Variants in SLURP1 observed in about 807,000 individuals in gnomAD.
SLURP1 encodes secreted Ly-6/uPAR-related protein 1.
SLURP1 carries 2 observed loss-of-function variants against 7.9 expected under a neutral mutation model. The ratio of observed to expected loss-of-function variants is 0.25; its 90% CI spans 0.10 to 0.79. The LOEUF is 0.79. Among genes scored for constraint, SLURP1 ranks in the 30% least tolerant of loss-of-function variants. The pLI, the probability that SLURP1 is intolerant of heterozygous loss-of-function variation, is 0.69. For missense variants in SLURP1, 111 were observed against 139.8 expected, an observed-to-expected ratio of 0.79 and a Z score of 1.04; for synonymous variants, 59 against 54.9, an observed-to-expected ratio of 1.07 and a Z score of -0.33.
At position 142,741,288 on chromosome 8, in the gene SLURP1, GC is replaced by G; in HGVS notation, c.179-13del. 1.9e-6 allele frequency: 3 copies of G among 1,579,414 alleles called. No homozygotes were observed. Among genetic ancestry groups the G allele is most frequent in the Non-Finnish European group, 2.6e-6 (3 of 1,167,036 alleles). On this transcript the variant is annotated splice_polypyrimidine_tract_variant and intron_variant, in intron 2 of 2. Transcript: ENST00000246515. This position sits in a 1 kb window ranked among gnomAD's most constrained non-coding sequence, Gnocchi z 4.3. ...GTTGAAGGGGTACTCTGCAGGGTGG[GC>G]CAGTGTCAGAACCCTCACTCCCCTG...
In SLURP1 at chr8:142,741,491, G is replaced by A. The variant is rs1462249479; in HGVS notation, c.179-215C>T. On this transcript the variant is annotated intron_variant, in intron 2 of 2. Coordinates refer to ENST00000246515, the MANE Select transcript of SLURP1 (RefSeq NM_020427.3). This position sits in a 1 kb window ranked among gnomAD's most constrained non-coding sequence, Gnocchi z 4.3. The stretch of plus-strand genomic sequence containing the variant: ...CAGACCTCTGAAGTGCCTGCGCTGA[G>A]ATGGGAGCCCGAGCCCAGAGGCTGT... Among the ~76,000 whole-genome samples, 2 of 152,192 alleles carry A rather than the reference G, an allele frequency of 1.3e-5. No homozygotes were observed. The highest frequency in any genetic ancestry group is 4.8e-5 in the African/African-American group (2 of 41,440).
Position 142,741,753 on chromosome 8 carries a change from G to A in SLURP1, c.178+50C>T. On this transcript the variant is annotated intron_variant, in intron 2 of 2. Coordinates refer to ENST00000246515, the MANE Select transcript of SLURP1 (RefSeq NM_020427.3). This position sits in a 1 kb window ranked among gnomAD's most constrained non-coding sequence, Gnocchi z 4.3. ...GCAAAGGAGGGAGGCACTTGGGGGA[G>A]GTGGCCCTGACTCCAGTGCACCCAG... 2 of 1,602,802 alleles carry A rather than the reference G, an allele frequency of 1.2e-6. No individual in the cohort carries two copies. Among genetic ancestry groups the A allele is most frequent in the Non-Finnish European group, 8.5e-7 (1 of 1,179,692 alleles).
chr8:142,741,717 G>A lies in SLURP1; in HGVS notation c.178+86C>T. 1 of 1,592,458 alleles carries A rather than the reference G, an allele frequency of 6.3e-7. No individual in the cohort carries two copies. The highest frequency in any genetic ancestry group is 2.2e-5 in the East Asian group (1 of 44,756). ...TCCCACCTGCTGCCTTTTGGGCCGG[G>A]AGGAGCACCAGCAAAGGAGGGAGGC... On this transcript the variant is annotated intron_variant, in intron 2 of 2. Coordinates refer to ENST00000246515, the MANE Select transcript of SLURP1 (RefSeq NM_020427.3). This position sits in a 1 kb window ranked among gnomAD's most constrained non-coding sequence, Gnocchi z 4.3.
Position 142,741,348 on chromosome 8 carries a change from G to GCCGTCGCCTGACCTCACCCT in SLURP1, c.179-92_179-73dup. 1 of 1,509,348 alleles carries GCCGTCGCCTGACCTCACCCT rather than the reference G, an allele frequency of 6.6e-7. No individual in the cohort carries two copies. The highest frequency in any genetic ancestry group is 8.8e-7 in the Non-Finnish European group (1 of 1,130,524). 93.5% of individuals were successfully genotyped at this position (1,509,348 alleles called of 1,614,324 possible). On this transcript the variant is annotated intron_variant, in intron 2 of 2. Transcript: ENST00000246515. The surrounding 1 kb of genome is among the most constrained non-coding windows in gnomAD (Gnocchi z 4.3). ...GCCTGCTGCTGCACTGCTCCCAGCC[G>GCCGTCGCCTGACCTCACCCT]CCGTCGCCTGACCTCACCCTCCCTG...
chr8:142,742,153 C>A (rs775903663), intron 1 of SLURP1, among the ~76,000 whole-genome samples, 175 bp downstream of exon 1: 2 of 152,184 alleles, frequency 1.3e-5, no homozygotes, highest in African/African-American at 4.8e-5. Context: ...TGACCCCTGT[C>A]CCAGGGTGAA....
At position 142,741,029 on chromosome 8, in the gene SLURP1, C is replaced by A; in HGVS notation, c.*114G>T. On this transcript the variant is annotated 3_prime_UTR_variant, in exon 3 of 3. Coordinates refer to ENST00000246515, the MANE Select transcript of SLURP1 (RefSeq NM_020427.3). The surrounding 1 kb of genome is among the most constrained non-coding windows in gnomAD (Gnocchi z 4.3). ...GGTGTGCTTCTCTCCCCTCAGACCC[C>A]ATGAGTGAGCTGTGCCACAGCAGCA... The A allele has an allele frequency of 6.6e-7, 1 of 1,510,178 alleles. No individual in the cohort carries two copies. Among genetic ancestry groups the A allele is most frequent in the Non-Finnish European group, 9.0e-7 (1 of 1,105,198 alleles). The allele number at this position is 1,510,178 out of a possible 1,614,324, so 93.5% of individuals were successfully genotyped here. A position where few individuals can be genotyped will look rare whatever the true frequency, so the allele number is the denominator to read the frequency against.
rs371317832 is a variant in SLURP1, at chr8:142,741,279, G to A, written c.179-3C>T. 1.1e-4 allele frequency: 173 copies of A among 1,590,022 alleles called. No individual in the cohort carries two copies. Among genetic ancestry groups the A allele is most frequent in the Non-Finnish European group, 2.1e-5 (25 of 1,171,790 alleles). ...GGGGCTCTGGTTGAAGGGGTACTCT[G>A]CAGGGTGGGCCAGTGTCAGAACCCT... On this transcript the variant is annotated splice_region_variant and splice_polypyrimidine_tract_variant and intron_variant, in intron 2 of 2. Coordinates refer to ENST00000246515, the MANE Select transcript of SLURP1 (RefSeq NM_020427.3). The surrounding 1 kb of genome is among the most constrained non-coding windows in gnomAD (Gnocchi z 4.3).
chr8:142,741,039 C>T lies in SLURP1; in HGVS notation c.*104G>A. On this transcript the variant is annotated 3_prime_UTR_variant, in exon 3 of 3. Transcript: ENST00000246515. The surrounding 1 kb of genome is among the most constrained non-coding windows in gnomAD (Gnocchi z 4.3). ...TCTCCCCTCAGACCCCATGAGTGAGCTGTGCCACAGCAGCAGGAAGCAGGG... is the reference window on the plus strand; with the variant it reads ...TCTCCCCTCAGACCCCATGAGTGAGTTGTGCCACAGCAGCAGGAAGCAGGG... 2.6e-6 allele frequency: 4 copies of T among 1,546,710 alleles called. No individual in the cohort carries two copies. In the South Asian group the frequency reaches 4.5e-5, roughly 17 times the overall value.
intron 1 of SLURP1, 43 bp downstream of exon 1, chr8:142,742,285 C>A: frequency 1.2e-6 from 2 of 1,606,552 alleles, no homozygotes; most frequent in Non-Finnish European, 1.7e-6. Context: ...GGTGGGCAGA[C>A]AAGCTCAGAG....
At position 142,742,328 on chromosome 8, in the gene SLURP1, C is replaced by A; in HGVS notation, c.58G>T (p.Gly20Cys). 6.2e-7 allele frequency: 1 copy of A among 1,612,950 alleles called. No homozygotes were observed. The highest frequency in any genetic ancestry group is 8.5e-7 in the Non-Finnish European group (1 of 1,180,002). The change falls in exon 1 of 3, where the codon GGT becomes TGT. Residue 20 changes from glycine (G) to cysteine (C), a missense_variant and splice_region_variant. By Grantham distance (159) the Gly-to-Cys change is radical. Coordinates refer to ENST00000246515, the MANE Select transcript of SLURP1 (RefSeq NM_020427.3). ...CCCCACCAGCCTGCGGCCCACTCAC[C>A]ACAGCCCATGCTCCAGGCTGCCACG... ...LLVAAWSMGC[G>C]EALKCYTCKE...
rs1392583840 is a variant in SLURP1, at chr8:142,741,106, G to A, written c.*37C>T. The A allele has an allele frequency of 6.3e-7, 1 of 1,599,780 alleles. No individual in the cohort carries two copies. Among genetic ancestry groups the A allele is most frequent in the East Asian group, 2.2e-5 (1 of 44,868 alleles). ...GGAGCCAGGCCCCGTCAGAGAGGAG[G>A]TGCCTGAGGAGCACCTTCCGCCCTG... On this transcript the variant is annotated 3_prime_UTR_variant, in exon 3 of 3. Transcript: ENST00000246515. The surrounding 1 kb of genome is among the most constrained non-coding windows in gnomAD (Gnocchi z 4.3).
At position 142,741,224 on chromosome 8, in the gene SLURP1, AC is replaced by A; in HGVS notation, c.230del (p.Cys77LeufsTer14). ...CGATGCTGTCGGGGTCGGTGGCCACACAGGAGCTGGAGCAGGAGCGGGTCAC... is the reference window on the plus strand; with the variant it reads ...CGATGCTGTCGGGGTCGGTGGCCACAAGGAGCTGGAGCAGGAGCGGGTCAC... Reference protein sequence around the residue: ...PVVTRSCSSSCVATDPDSIGA... With the variant: ...PVVTRSCSSSXVATDPDSIGA... On this transcript the variant is annotated frameshift_variant, in exon 3 of 3. Transcript: ENST00000246515. LOFTEE classifies it low-confidence loss of function (END_TRUNC). The surrounding 1 kb of genome is among the most constrained non-coding windows in gnomAD (Gnocchi z 4.3). The A allele has an allele frequency of 6.2e-7, 1 of 1,610,412 alleles. No individual in the cohort carries two copies. Among genetic ancestry groups the A allele is most frequent in the Non-Finnish European group, 8.5e-7 (1 of 1,179,778 alleles).
At position 142,742,275 on chromosome 8, in the gene SLURP1, G is replaced by A. The variant is rs139506907; in HGVS notation, c.58+53C>T. 1.0e-4 allele frequency: 159 copies of A among 1,580,272 alleles called. No homozygotes were observed. The African/African-American group carries it at 1.9e-3, about 19-fold the overall frequency. ...CCCCAACAGCCCCATCCCCCTAGGAGGTGGGCAGACAAGCTCAGAGGCAGG... is the reference window on the plus strand; with the variant it reads ...CCCCAACAGCCCCATCCCCCTAGGAAGTGGGCAGACAAGCTCAGAGGCAGG... On this transcript the variant is annotated intron_variant, in intron 1 of 2. Transcript: ENST00000246515.
chr8:142,741,028 C>T lies in SLURP1; in HGVS notation c.*115G>A. ...TGGTGTGCTTCTCTCCCCTCAGACC[C>T]CATGAGTGAGCTGTGCCACAGCAGC... On this transcript the variant is annotated 3_prime_UTR_variant, in exon 3 of 3. Coordinates refer to ENST00000246515, the MANE Select transcript of SLURP1 (RefSeq NM_020427.3). The surrounding 1 kb of genome is among the most constrained non-coding windows in gnomAD (Gnocchi z 4.3). 1 of 1,505,506 alleles carries T rather than the reference C, an allele frequency of 6.6e-7. No individual in the cohort carries two copies. Among genetic ancestry groups the T allele is most frequent in the Non-Finnish European group, 9.1e-7 (1 of 1,101,372 alleles). 93.3% of individuals were successfully genotyped at this position (1,505,506 alleles called of 1,614,324 possible). A position where few individuals can be genotyped will look rare whatever the true frequency, so the allele number is the denominator to read the frequency against.
chr8:142,742,319 C>A lies in SLURP1; in HGVS notation c.58+9G>T, dbSNP rs773370841. 1.2e-5 allele frequency: 20 copies of A among 1,612,694 alleles called. No homozygotes were observed. The highest frequency in any genetic ancestry group is 1.7e-5 in the Non-Finnish European group (20 of 1,179,928). On this transcript the variant is annotated intron_variant, in intron 1 of 2. Coordinates refer to ENST00000246515, the MANE Select transcript of SLURP1 (RefSeq NM_020427.3). ...AGGCAGGGTCCCCACCAGCCTGCGGCCCACTCACCACAGCCCATGCTCCAG... is the reference window on the plus strand; with the variant it reads ...AGGCAGGGTCCCCACCAGCCTGCGGACCACTCACCACAGCCCATGCTCCAG...
Position 142,742,394 on chromosome 8 carries a change from G to A in SLURP1, c.-9C>T, listed in dbSNP as rs779450695. On this transcript the variant is annotated 5_prime_UTR_variant, in exon 1 of 3. Coordinates refer to ENST00000246515, the MANE Select transcript of SLURP1 (RefSeq NM_020427.3). ...GCCCAGCGAGAGGCCATTGCTCCGT[G>A]CTCAGAAGTGATGAGAGGTAGCCAG... 5 of 1,612,760 alleles carry A rather than the reference G, an allele frequency of 3.1e-6. No homozygotes were observed. The highest frequency in any genetic ancestry group is 4.2e-6 in the Non-Finnish European group (5 of 1,179,926).
At position 142,741,260 on chromosome 8, in the gene SLURP1, C is replaced by G; in HGVS notation, c.195G>C (p.Gln65His). The change falls in exon 3 of 3, where the codon CAG (glutamine) becomes CAC (histidine). Residue 65 changes from glutamine (Q) to histidine (H), a missense_variant. Coordinates refer to ENST00000246515, the MANE Select transcript of SLURP1 (RefSeq NM_020427.3). The surrounding 1 kb of genome is among the most constrained non-coding windows in gnomAD (Gnocchi z 4.3). Reference protein sequence around the residue: ...VTVEAEYPFNQSPVVTRSCSS... With the variant: ...VTVEAEYPFNHSPVVTRSCSS... ...AGCAGGAGCGGGTCACCACGGGGCT[C>G]TGGTTGAAGGGGTACTCTGCAGGGT... 1 of 1,603,478 alleles carries G rather than the reference C, an allele frequency of 6.2e-7. No individual in the cohort carries two copies. The highest frequency in any genetic ancestry group is 8.5e-7 in the Non-Finnish European group (1 of 1,177,316).
chr8:142,742,190 A>G, intron 1 of SLURP1, 138 bp downstream of exon 1: 1 of 1,062,406 alleles, frequency 9.4e-7, no homozygotes, highest in Non-Finnish European at 1.4e-6. Context: ...CAGGAGGCTC[A>G]CTGAGAATGA....
At chr8:142,742,029 G>A (rs587672776) in intron 1 of SLURP1, 107 bp from the exon 2 acceptor site, 24 of 1,543,244 alleles carry the variant, frequency 1.6e-5, no homozygotes, top group Middle Eastern at 1.7e-4. Context: ...TCAAGGCCCC[G>A]GGCAGCCCTT....
Sources: allele counts gnomAD v4.1 joint callset (sites outside exome capture counted in the v4.1 genomes callset), GRCh38; gene constraint gnomAD v4.1.1; non-coding constraint Gnocchi (gnomAD v3.1); transcripts MANE v1.5; gene names NCBI Gene and HGNC (gene_info 2026-07-23, HGNC 2026-07-21).